Variants in SAMD9L observed in about 807,000 individuals in gnomAD.
SAMD9L encodes the protein sterile alpha motif domain containing 9 like, also known as sterile alpha motif domain-containing protein 9-like.
Under a neutral mutation model 90.7 loss-of-function variants are expected in SAMD9L, and 68 were observed. The observed-to-expected ratio is 0.75, with a 90% confidence interval of 0.62 to 0.92. The LOEUF (loss-of-function observed/expected upper bound fraction) is 0.92, where lower values mean the gene tolerates loss of function less well. SAMD9L is among the 40% of genes least tolerant of loss of function. The pLI, the probability that SAMD9L is intolerant of heterozygous loss-of-function variation, is 0.00. For missense variants in SAMD9L, 1,604 were observed against 1,824.3 expected (o/e 0.88, Z 2.20); for synonymous variants, 640 against 630.1 (o/e 1.02, Z -0.23).
At chr7:93,136,075 C>G in intron 4 of SAMD9L, 84 bp from the exon 5 acceptor site, 1 of 857,172 alleles carries the variant, frequency 1.2e-6, no homozygotes, top group East Asian at 2.9e-5. Context: ...CATTATCATA[C>G]AGAAGATACA....
chr7:93,137,746 T>G (rs1007783856), intron 4 of SAMD9L, among the ~76,000 whole-genome samples: 2 of 150,682 alleles, frequency 1.3e-5, no homozygotes, highest in African/African-American at 2.4e-5. Flanking sequence ...TTTTTTTTTT[T>G]TTTTTTTTTT....
chr7:93,147,936 C>T (rs1039245592), intron 1 of SAMD9L, among the ~76,000 whole-genome samples: 2 of 152,154 alleles, frequency 1.3e-5, no homozygotes, highest in African/African-American at 4.8e-5. Flanking sequence ...GCCTGCCTGC[C>T]ACAATCAGAA....
chr7:93,132,256 G>C lies in SAMD9L; in HGVS notation c.3716C>G (p.Pro1239Arg). Reference sequence around the variant, plus strand: ...ATAACATTCATTTCTGGGATCAGGAGGAATGGTCCACTTTCCTGATAAAAA... The same window carrying C: ...ATAACATTCATTTCTGGGATCAGGACGAATGGTCCACTTTCCTGATAAAAA... ...VQFLSGKWTIPPDPRNECYLA... is the reference protein window; with the variant it reads ...VQFLSGKWTIRPDPRNECYLA... The change falls in exon 5 of 5, where the codon CCT becomes CGT. Residue 1239 changes from proline to arginine, a missense_variant. Pro to Arg is a moderately radical substitution (Grantham distance 103). Coordinates refer to ENST00000318238, the MANE Select transcript of SAMD9L (RefSeq NM_152703.5). 2 of 1,613,730 alleles carry C rather than the reference G, an allele frequency of 1.2e-6. No homozygotes were observed. The highest frequency in any genetic ancestry group is 1.7e-6 in the Non-Finnish European group (2 of 1,179,842).
chr7:93,146,187 ACCT>A (rs1792883348), intron 2 of SAMD9L, 147 bp from the exon 3 acceptor site: 1 of 151,570 alleles, frequency 6.6e-6, no homozygotes, highest in African/African-American at 2.4e-5. Flanking sequence ...CAGTCCCCTG[ACCT>A]CCTCGTTGCT....
chr7:93,132,599 G>C lies in SAMD9L; in HGVS notation c.3373C>G (p.Gln1125Glu). 6.2e-7 allele frequency: 1 copy of C among 1,613,652 alleles called. No homozygotes were observed. Among genetic ancestry groups the C allele is most frequent in the Non-Finnish European group, 8.5e-7 (1 of 1,179,788 alleles). The change falls in exon 5 of 5, where the codon CAA becomes GAA. Residue 1125 changes from glutamine to glutamate, a missense_variant. Gln to Glu is a conservative substitution (Grantham distance 29, BLOSUM62 2). Coordinates refer to ENST00000318238, the MANE Select transcript of SAMD9L (RefSeq NM_152703.5). ...KNSYISDTLG[Q>E]VYKSEIKWWL... is the part of the protein sequence containing the mutation. ...CATTTGATTTCACTTTTGTAGACTT[G>C]ACCTAGTGTATCTGAAATATAGGAA...
At chr7:93,142,314 A>G (rs1463697062) in intron 4 of SAMD9L, among the ~76,000 whole-genome samples, 2 of 152,208 alleles carry the variant, frequency 1.3e-5, no homozygotes, top group Non-Finnish European at 2.9e-5. Flanking sequence ...TCATTCATGC[A>G]TGAATCACCA....
chr7:93,135,823 A>G lies in SAMD9L; in HGVS notation c.149T>C (p.Leu50Ser), dbSNP rs1792424464. 8.7e-6 allele frequency: 14 copies of G among 1,614,052 alleles called. No individual in the cohort carries two copies. In the East Asian group the frequency reaches 3.1e-4, roughly 36 times the overall value. ...CATTTCTACAAGGTCCTTCTCAGTTAATTCCTGCAGGACTAATCCTGTTAC... is the reference window on the plus strand; with the variant it reads ...CATTTCTACAAGGTCCTTCTCAGTTGATTCCTGCAGGACTAATCCTGTTAC... ...EEVTGLVLQE[L>S]TEKDLVEMGL... is the part of the protein sequence containing the mutation. The change falls in exon 5 of 5, where the codon TTA becomes TCA. Residue 50 changes from leucine (L) to serine (S), a missense_variant. This residue lies in a region of SAMD9L where 374 missense variants were observed against 363.6 expected (regional missense o/e 1.03). Coordinates refer to ENST00000318238, the MANE Select transcript of SAMD9L (RefSeq NM_152703.5).
chr7:93,134,532 CAT>C lies in SAMD9L; in HGVS notation c.1438_1439del (p.Met480ValfsTer8), dbSNP rs774883283. 2 of 1,613,976 alleles carry C rather than the reference CAT, an allele frequency of 1.2e-6. No homozygotes were observed. Among genetic ancestry groups the C allele is most frequent in the South Asian group, 1.1e-5 (1 of 91,078 alleles). ...GATTAAGAGTAGAAATCTTCTCCCA[CAT>C]GTTAGTTGTCTTGTCTTCATATTGA... ...PNQYEDKTTN[M>X]WEKISTLNLY... On this transcript the variant is annotated frameshift_variant, in exon 5 of 5. Coordinates refer to ENST00000318238, the MANE Select transcript of SAMD9L (RefSeq NM_152703.5). LOFTEE classifies it high-confidence loss of function.
chr7:93,131,401 C>G lies in SAMD9L; in HGVS notation c.4571G>C (p.Arg1524Pro), dbSNP rs138088725. ...CTTGCCTTCAGCCTGACCAGTTAGA[C>G]GACGCAGGAGGTCTTTGACTTCATT... ...KKNEVKDLLR[R>P]LTGQAEGKLI... is the part of the protein sequence containing the mutation. The change falls in exon 5 of 5, where the codon CGT becomes CCT. Residue 1524 changes from arginine (R) to proline (P), a missense_variant. Arg to Pro is a moderately radical substitution (Grantham distance 103, BLOSUM62 -2). Transcript: ENST00000318238. 6.2e-7 allele frequency: 1 copy of G among 1,613,622 alleles called. No individual in the cohort carries two copies. Among genetic ancestry groups the G allele is most frequent in the South Asian group, 1.1e-5 (1 of 91,048 alleles).
At position 93,131,474 on chromosome 7, in the gene SAMD9L, C is replaced by T. The variant is rs1417046973; in HGVS notation, c.4498G>A (p.Ala1500Thr). 2 of 1,613,856 alleles carry T rather than the reference C, an allele frequency of 1.2e-6. No homozygotes were observed. The highest frequency in any genetic ancestry group is 2.2e-5 in the South Asian group (2 of 91,074). The stretch of plus-strand genomic sequence containing the variant: ...TGCCAGAGGGAATTTGTATTTTGTG[C>T]TTTATCAAAGTACTGCTCTATTTTG... ...KAKIEQYFDK[A>T]QNTNSLWHSG... is the part of the protein sequence containing the mutation. The change falls in exon 5 of 5, where the codon GCA (alanine) becomes ACA (threonine). Residue 1500 changes from alanine (A) to threonine (T), a missense_variant. Ala to Thr is a moderately conservative substitution (Grantham distance 58, BLOSUM62 0). This residue lies in a region of SAMD9L where 282 missense variants were observed against 329.6 expected (regional missense o/e 0.86). Coordinates refer to ENST00000318238, the MANE Select transcript of SAMD9L (RefSeq NM_152703.5).
Position 93,139,386 on chromosome 7 carries a change from T to A in SAMD9L, c.-20-3395A>T, listed in dbSNP as rs564029074. ...TGACTTTATTTGGAGACAGGATTGT[T>A]GTAGATGTAATTAGTTGACATGAAG... On this transcript the variant is annotated intron_variant, in intron 4 of 4. Transcript: ENST00000318238. Among the ~76,000 whole-genome samples, 429 of 152,284 alleles carry A rather than the reference T, an allele frequency of 2.8e-3. 3 individuals are homozygous for A. The highest frequency in any genetic ancestry group is 0.01 in the African/African-American group (421 of 41,552).
chr7:93,131,916 T>A lies in SAMD9L; in HGVS notation c.4056A>T (p.Lys1352Asn). 1.9e-6 allele frequency: 3 copies of A among 1,613,072 alleles called. No individual in the cohort carries two copies. The highest frequency in any genetic ancestry group is 2.5e-6 in the Non-Finnish European group (3 of 1,179,870). Reference sequence around the variant, plus strand: ...CTATACTTTCCATGGTGGTAGCATCTTTGTAGTTTGGATTAAGATATTCCA... The same window carrying A: ...CTATACTTTCCATGGTGGTAGCATCATTGTAGTTTGGATTAAGATATTCCA... Reference protein sequence around the residue: ...GLLEYLNPNYKDATTMESIVN... With the variant: ...GLLEYLNPNYNDATTMESIVN... The change falls in exon 5 of 5, where the codon AAA (lysine) becomes AAT (asparagine). Residue 1352 changes from lysine (K) to asparagine (N), a missense_variant. Lys to Asn is a moderately conservative substitution (Grantham distance 94). Around this residue, in one of 7 missense-constraint regions of SAMD9L, gnomAD observed 282 missense variants for 329.6 expected, o/e 0.86. Transcript: ENST00000318238.
In SAMD9L at chr7:93,135,978, G is replaced by T. The variant is rs765802262; in HGVS notation, c.-7C>A. 1.3e-6 allele frequency: 2 copies of T among 1,541,178 alleles called. No homozygotes were observed. Among genetic ancestry groups the T allele is most frequent in the Non-Finnish European group, 8.7e-7 (1 of 1,149,004 alleles). On this transcript the variant is annotated 5_prime_UTR_variant, in exon 5 of 5. Transcript: ENST00000318238. Reference sequence around the variant, plus strand: ...GAGATACTTGTTTACTCATATCAAAGCTTCAACTTCTTCCTGAGACAAAGC... The same window carrying T: ...GAGATACTTGTTTACTCATATCAAATCTTCAACTTCTTCCTGAGACAAAGC...
chr7:93,142,856 T>C (rs1158121208), intron 4 of SAMD9L, among the ~76,000 whole-genome samples: 1 of 152,224 alleles, frequency 6.6e-6, no homozygotes, highest in Non-Finnish European at 1.5e-5. Context: ...CCTCTCTCAG[T>C]AATTCAAGCT....
Position 93,135,368 on chromosome 7 carries a change from G to C in SAMD9L, c.604C>G (p.Leu202Val), listed in dbSNP as rs1449371663. The change falls in exon 5 of 5, where the codon CTC becomes GTC. Residue 202 changes from leucine (L) to valine (V), a missense_variant. Physicochemically the swap from Leu to Val is conservative, Grantham distance 32 (BLOSUM62 1). Transcript: ENST00000318238. The stretch of plus-strand genomic sequence containing the variant: ...TCCGTGGCTGTTTCTGTGTTTGTGA[G>C]AGCTTTGAACTCATGTATTGGATCA... ...LIDPIHEFKA[L>V]TNTETATEVD... 4.3e-6 allele frequency: 7 copies of C among 1,614,118 alleles called. No homozygotes were observed. The highest frequency in any genetic ancestry group is 5.9e-6 in the Non-Finnish European group (7 of 1,179,984).
chr7:93,141,886 A>T (rs1792704034), intron 4 of SAMD9L, among the ~76,000 whole-genome samples: 1 of 152,210 alleles, frequency 6.6e-6, no homozygotes, highest in Non-Finnish European at 1.5e-5. Flanking sequence ...CGCATGGAGT[A>T]AAAGCCAAAG....
intron 4 of SAMD9L, among the ~76,000 whole-genome samples, chr7:93,139,422 C>A (rs1235261735): frequency 6.6e-6 from 1 of 152,124 alleles, no homozygotes; most frequent in African/African-American, 2.4e-5. Flanking sequence ...TTATAGTGGA[C>A]CCTAATCCAA....
At chr7:93,146,399 C>T (rs1215248041) in intron 2 of SAMD9L, among the ~76,000 whole-genome samples, 2 of 152,150 alleles carry the variant, frequency 1.3e-5, no homozygotes, top group Non-Finnish European at 2.9e-5. Context: ...CCTCTTCTGG[C>T]TTCATTTTTT....
chr7:93,131,162 A>G lies in SAMD9L; in HGVS notation c.*55T>C. ...AAGTGCCATGAGAATAGAGAGAGAG[A>G]ATAAAATCATAAAGATATAAATAAA... On this transcript the variant is annotated 3_prime_UTR_variant, in exon 5 of 5. Transcript: ENST00000318238. 9.2e-7 allele frequency: 1 copy of G among 1,092,116 alleles called. No homozygotes were observed. Among genetic ancestry groups the G allele is most frequent in the Non-Finnish European group, 1.3e-6 (1 of 774,640 alleles). 67.7% of individuals were successfully genotyped at this position (1,092,116 alleles called of 1,614,324 possible). A position where few individuals can be genotyped will look rare whatever the true frequency, so the allele number is the denominator to read the frequency against.
Sources: gnomAD v4.1 joint callset for allele counts (sites outside exome capture counted in the v4.1 genomes callset) on GRCh38, gnomAD v4.1.1 for gene constraint, gnomAD v4.1.1 regional missense constraint, MANE v1.5 for transcripts, NCBI Gene and HGNC (gene_info 2026-07-23, HGNC 2026-07-21) for gene names.